The following CACNA2D3 variants were observed in gnomAD, a reference collection of about 807,000 sequenced individuals.
CACNA2D3 encodes calcium voltage-gated channel auxiliary subunit alpha2delta 3.
A neutral mutation model predicts 160.6 loss-of-function variants in CACNA2D3; 60 were observed. The ratio of observed to expected loss-of-function variants is 0.37; its 90% CI spans 0.30 to 0.46. The LOEUF (loss-of-function observed/expected upper bound fraction) is 0.46, where lower values mean the gene tolerates loss of function less well. CACNA2D3 is among the 20% of genes least tolerant of loss of function. The pLI is 1.00. For synonymous variants in CACNA2D3, 558 were observed against 492.9 expected, an observed-to-expected ratio of 1.13 and a Z score of -1.75; for missense variants, 1,205 against 1,365.0, an observed-to-expected ratio of 0.88 and a Z score of 1.85.
intron 2 of CACNA2D3, among the ~76,000 whole-genome samples, chr3:54,189,685 G>T (rs1202323006): frequency 6.6e-6 from 1 of 152,178 alleles, no homozygotes; most frequent in African/African-American, 2.4e-5. Context: ...AGTTCTGACA[G>T]TTTGGAGAGG....
chr3:54,615,236 C>T (rs747713266), intron 9 of CACNA2D3, among the ~76,000 whole-genome samples: 7 of 152,110 alleles, frequency 4.6e-5, no homozygotes, highest in African/African-American at 4.8e-5. Flanking sequence ...CTACCATCAT[C>T]GCAAGGAGAC....
intron 13 of CACNA2D3, among the ~76,000 whole-genome samples, chr3:54,816,417 C>T (rs958203290): frequency 6.6e-6 from 1 of 152,308 alleles, no homozygotes; most frequent in African/African-American, 2.4e-5. Flanking sequence ...TAGAGGCCAA[C>T]AGCTCTCGCT....
At chr3:54,633,898 G>A (rs1416474078) in intron 10 of CACNA2D3, among the ~76,000 whole-genome samples, 1 of 152,172 alleles carries the variant, frequency 6.6e-6, no homozygotes, top group Non-Finnish European at 1.5e-5. Context: ...CAGGCACACA[G>A]CTGTGTTGCT....
At chr3:54,427,242 A>T (rs1271403005) in intron 4 of CACNA2D3, among the ~76,000 whole-genome samples, 1 of 152,094 alleles carries the variant, frequency 6.6e-6, no homozygotes, top group Non-Finnish European at 1.5e-5. Flanking sequence ...GATGAATAAA[A>T]TTTTTCATAA....
At chr3:54,201,272 A>G (rs1168943337) in intron 2 of CACNA2D3, among the ~76,000 whole-genome samples, 2 of 152,264 alleles carry the variant, frequency 1.3e-5, no homozygotes, top group Non-Finnish European at 2.9e-5. Flanking sequence ...ATTACACATT[A>G]TAGTTAGCAT....
At chr3:54,857,379 G>T (rs1168700) in intron 17 of CACNA2D3, among the ~76,000 whole-genome samples, 1 of 152,104 alleles carries the variant, frequency 6.6e-6, no homozygotes, top group Non-Finnish European at 1.5e-5. Flanking sequence ...CAGCAGCTAG[G>T]TGAAGGCTTT....
At chr3:55,044,600 C>G (rs557402534) in intron 35 of CACNA2D3, among the ~76,000 whole-genome samples, 222 of 151,082 alleles carry the variant, frequency 1.5e-3, no homozygotes, top group Non-Finnish European at 2.7e-3. Context: ...TTTATTTCTT[C>G]TTTTTTTTTC....
At chr3:54,452,202 G>A (rs1024689920) in intron 4 of CACNA2D3, among the ~76,000 whole-genome samples, 1 of 152,182 alleles carries the variant, frequency 6.6e-6, no homozygotes, top group Non-Finnish European at 1.5e-5. Flanking sequence ...TCACAATCAT[G>A]GCAGAAGGCA....
intron 34 of CACNA2D3, among the ~76,000 whole-genome samples, chr3:55,011,443 A>T (rs1450443605): frequency 6.6e-6 from 1 of 152,232 alleles, no homozygotes; most frequent in Non-Finnish European, 1.5e-5. Flanking sequence ...ATCACCAGGG[A>T]ATTTATAATC....
chr3:55,024,858 C>T (rs946391129), intron 35 of CACNA2D3, among the ~76,000 whole-genome samples: 1 of 152,138 alleles, frequency 6.6e-6, no homozygotes, highest in Non-Finnish European at 1.5e-5. Context: ...AAAGCTATAG[C>T]ATATATGTCT....
chr3:54,457,316 C>G (rs937277250), intron 4 of CACNA2D3, among the ~76,000 whole-genome samples: 1 of 151,514 alleles, frequency 6.6e-6, no homozygotes, highest in Admixed American at 6.6e-5. Flanking sequence ...CTTCATTGAC[C>G]CATTTGTTGT....
intron 35 of CACNA2D3, among the ~76,000 whole-genome samples, chr3:55,064,634 C>T (rs1251920166): frequency 6.6e-6 from 1 of 152,170 alleles, no homozygotes; most frequent in African/African-American, 2.4e-5. Flanking sequence ...GACAGCCATG[C>T]CTGCAGAACA....
At position 54,949,335 on chromosome 3, in the gene CACNA2D3, G is replaced by A. The variant is rs576663865; in HGVS notation, c.2450-19115G>A. 2.6e-5 allele frequency among the ~76,000 whole-genome samples: 4 copies of A among 152,304 alleles called. No homozygotes were observed. The South Asian group carries it at 8.3e-4, about 32-fold the overall frequency. The stretch of plus-strand genomic sequence containing the variant: ...AAATGGTCTAGGTGTGGATAAGGAG[G>A]GAGGGTCTCTGCTGCTGAAAAAAGG... On this transcript the variant is annotated intron_variant, in intron 27 of 37. Transcript: ENST00000474759.
chr3:55,039,309 A>G (rs1703908295), intron 35 of CACNA2D3, among the ~76,000 whole-genome samples: 1 of 152,104 alleles, frequency 6.6e-6, no homozygotes, highest in South Asian at 2.1e-4. Context: ...TAATTCAGAG[A>G]TTGACTACGG....
intron 11 of CACNA2D3, among the ~76,000 whole-genome samples, chr3:54,720,836 T>C (rs1487371428): frequency 6.6e-6 from 1 of 152,152 alleles, no homozygotes; most frequent in Non-Finnish European, 1.5e-5. Context: ...TATTATTACA[T>C]CTAAATACAT....
At chr3:54,875,753 C>T (rs1575524706) in intron 18 of CACNA2D3, 1 of 152,192 alleles carries the variant, frequency 6.6e-6, no homozygotes, top group Non-Finnish European at 1.5e-5. Flanking sequence ...TGGAGAAGCA[C>T]ATCTGAACTG....
chr3:54,461,196 T>A (rs1413125780), intron 4 of CACNA2D3, among the ~76,000 whole-genome samples: 2 of 152,058 alleles, frequency 1.3e-5, no homozygotes, highest in East Asian at 1.9e-4. Flanking sequence ...GATTGAGGAT[T>A]TTTGCATCAA....
intron 9 of CACNA2D3, among the ~76,000 whole-genome samples, chr3:54,617,873 C>T (rs1403565740): frequency 2.0e-5 from 3 of 152,032 alleles, no homozygotes; most frequent in African/African-American, 7.2e-5. Context: ...CTGTCCCTCC[C>T]TTCACTGAGA....
rs189728951 is a variant in CACNA2D3, at chr3:54,566,749, G to A, written c.677-3046G>A. Reference sequence around the variant, plus strand: ...GGAGTTTGTTCCTGTAGAAGGCTTGGTAATTACAAAGGTCAATGATTGTCT... The same window carrying A: ...GGAGTTTGTTCCTGTAGAAGGCTTGATAATTACAAAGGTCAATGATTGTCT... On this transcript the variant is annotated intron_variant, in intron 6 of 37. Transcript: ENST00000474759. Among the ~76,000 whole-genome samples, 433 of 152,286 alleles carry A rather than the reference G, an allele frequency of 2.8e-3. 2 individuals carry two copies. Among genetic ancestry groups the A allele is most frequent in the African/African-American group, 9.9e-3 (410 of 41,562 alleles).
Sources: allele counts gnomAD v4.1 joint callset (sites outside exome capture counted in the v4.1 genomes callset), GRCh38; gene constraint gnomAD v4.1.1; transcripts MANE v1.5; gene names NCBI Gene and HGNC (gene_info 2026-07-23, HGNC 2026-07-21).